Variants in FAM222B observed in about 807,000 individuals in gnomAD.
The protein encoded by FAM222B is family with sequence similarity 222 member B.
In FAM222B, 12 loss-of-function variants were observed where a neutral mutation model predicts 38.0. The ratio of observed to expected loss-of-function variants is 0.32; its 90% CI spans 0.20 to 0.51. FAM222B has a LOEUF of 0.51. FAM222B is among the 20% of genes least tolerant of loss of function. The probability of loss-of-function intolerance (pLI) is 0.97; values close to 1 mark genes in which losing one functional copy is unlikely to be tolerated. For missense variants in FAM222B, 716 were observed against 754.2 expected, an observed-to-expected ratio of 0.95 and a Z score of 0.59; for synonymous variants, 329 against 317.2, an observed-to-expected ratio of 1.04 and a Z score of -0.40.
At chr17:28,784,977 A>C (rs948470197) in intron 1 of FAM222B, among the ~76,000 whole-genome samples, 9 of 151,914 alleles carry the variant, frequency 5.9e-5, no homozygotes, top group African/African-American at 1.9e-4. Context: ...GCTGGTCTTA[A>C]ACTCCTGGAC....
At chr17:28,845,864 C>T (rs1018139375), upstream of FAM222B, among the ~76,000 whole-genome samples, 2 of 151,538 alleles carry the variant, frequency 1.3e-5, no homozygotes, top group Admixed American at 6.6e-5. Context: ...CACTGCAATC[C>T]AGCCTGGGTG....
intron 1 of FAM222B, among the ~76,000 whole-genome samples, chr17:28,805,658 A>AAAAG (rs918873039): frequency 1.3e-5 from 2 of 152,174 alleles, no homozygotes; most frequent in African/African-American, 2.4e-5. Flanking sequence ...CTCAAAAAAA[A>AAAAG]AAAGAAAGAA....
chr17:28,826,243 T>C (rs1436349807), intron 1 of FAM222B, among the ~76,000 whole-genome samples: 4 of 150,108 alleles, frequency 2.7e-5, no homozygotes, highest in Non-Finnish European at 5.9e-5. Context: ...TAATTTTTGG[T>C]ATTTTTAGTA....
At position 28,758,472 on chromosome 17, in the gene FAM222B, C is replaced by T. The variant is rs376632053; in HGVS notation, c.1487G>A (p.Arg496Gln). 1.7e-5 allele frequency: 27 copies of T among 1,613,234 alleles called. No individual in the cohort carries two copies. In the African/African-American group the frequency reaches 2.4e-4, roughly 14 times the overall value. The change falls in exon 3 of 3, where the codon CGA becomes CAA. Residue 496 changes from arginine to glutamine, a missense_variant. Transcript: ENST00000581407. ...DCAAAPGAHY[R>Q]AGTGGGPVAS... is the part of the protein sequence containing the mutation. ...CACTGGACCGCCCCCGGTCCCTGCTCGGTAGTGGGCCCCGGGAGCTGCCGC... is the reference window on the plus strand; with the variant it reads ...CACTGGACCGCCCCCGGTCCCTGCTTGGTAGTGGGCCCCGGGAGCTGCCGC...
chr17:28,800,480 T>A (rs1329774018), intron 1 of FAM222B, among the ~76,000 whole-genome samples: 1 of 152,192 alleles, frequency 6.6e-6, no homozygotes, highest in Non-Finnish European at 1.5e-5. Context: ...CTAGGCGCAC[T>A]AAGGAACAAT....
chr17:28,776,813 C>T (rs1007010325), intron 1 of FAM222B, among the ~76,000 whole-genome samples: 5 of 152,050 alleles, frequency 3.3e-5, no homozygotes, highest in African/African-American at 1.2e-4. Flanking sequence ...CTCCCTATTC[C>T]GTTACTCCTG....
intron 1 of FAM222B, among the ~76,000 whole-genome samples, chr17:28,813,532 T>G (rs551720495): frequency 2.2e-4 from 34 of 152,052 alleles, no homozygotes; most frequent in Admixed American, 6.5e-4. Context: ...TTCTTTTTTT[T>G]TTGTTTTTTT....
At position 28,806,826 on chromosome 17, in the gene FAM222B, T is replaced by C. The variant is rs534064257; in HGVS notation, c.-41+35856A>G. Among the ~76,000 whole-genome samples, 53 of 152,184 alleles carry C rather than the reference T, an allele frequency of 3.5e-4. 2 individuals are homozygous for C. Among genetic ancestry groups the C allele is most frequent in the African/African-American group, 1.1e-3 (46 of 41,530 alleles). Reference sequence around the variant, plus strand: ...AAATTTCTTGGAGAAAATAATAAGCTATATTAGAAATTCAGAGAAAGGAAG... The same window carrying C: ...AAATTTCTTGGAGAAAATAATAAGCCATATTAGAAATTCAGAGAAAGGAAG... On this transcript the variant is annotated intron_variant, in intron 1 of 2. Coordinates refer to ENST00000581407, the MANE Select transcript of FAM222B (RefSeq NM_001077498.3).
At chr17:28,833,906 A>G (rs777649566) in intron 1 of FAM222B, among the ~76,000 whole-genome samples, 20 of 152,166 alleles carry the variant, frequency 1.3e-4, no homozygotes, top group Non-Finnish European at 2.6e-4. Flanking sequence ...CAGATACCTC[A>G]AATCCTATAT....
intron 1 of FAM222B, among the ~76,000 whole-genome samples, chr17:28,813,938 G>A (rs1286511973): frequency 6.6e-6 from 1 of 151,702 alleles, no homozygotes; most frequent in Non-Finnish European, 1.5e-5. Flanking sequence ...GGCCGGGCGC[G>A]GTGTGTCTCA....
chr17:28,759,799 T>C lies in FAM222B; in HGVS notation c.160A>G (p.Asn54Asp). ...AAGATTTTTATAGTCAGTGGGTTGT[T>C]TGCGACCTTCTTAGCATACGCATCC... The part of the protein sequence containing the change: ...ELDAYAKKVA[N>D]NPLTIKIFPN... Residue 54 changes from asparagine (N) to aspartate (D), a missense_variant, in exon 3 of 3, where the codon AAC (asparagine) becomes GAC (aspartate). Transcript: ENST00000581407. This position sits in a 1 kb window ranked among gnomAD's most constrained non-coding sequence, Gnocchi z 4.8. The C allele has an allele frequency of 6.2e-7, 1 of 1,609,258 alleles. No individual in the cohort carries two copies. Among genetic ancestry groups the C allele is most frequent in the Non-Finnish European group, 8.5e-7 (1 of 1,177,752 alleles).
chr17:28,758,625 G>A lies in FAM222B; in HGVS notation c.1334C>T (p.Pro445Leu). The change falls in exon 3 of 3, where the codon CCC (proline) becomes CTC (leucine). Residue 445 changes from proline (P) to leucine (L), a missense_variant. Coordinates refer to ENST00000581407, the MANE Select transcript of FAM222B (RefSeq NM_001077498.3). ...CAGGGGTTGGAAGTAGTGACCATTG[G>A]GGTAGGCCAATGGGGCTGCCATGCC... The part of the protein sequence containing the change: ...VNGMAAPLAY[P>L]NGHYFQPLWN... 6.2e-7 allele frequency: 1 copy of A among 1,611,772 alleles called. No homozygotes were observed. Among genetic ancestry groups the A allele is most frequent in the South Asian group, 1.1e-5 (1 of 91,082 alleles).
chr17:28,834,687 A>G (rs1217737580), intron 1 of FAM222B: 1 of 152,102 alleles, frequency 6.6e-6, no homozygotes, highest in African/African-American at 2.4e-5. Context: ...GTACTGACTC[A>G]GAACTATTTA....
rs181749077 is a variant in FAM222B, at chr17:28,825,170, C to T, written c.-41+17512G>A. Among the ~76,000 whole-genome samples, 9 of 151,988 alleles carry T rather than the reference C, an allele frequency of 5.9e-5. 1 individual carries two copies. In the East Asian group the frequency reaches 9.7e-4, roughly 16 times the overall value. ...AAAGGAGGCTGGGTGCAGTGGCTCA[C>T]GCCTGAAATCCCAGCACTTTGGGAG... On this transcript the variant is annotated intron_variant, in intron 1 of 2. Transcript: ENST00000581407.
chr17:28,818,477 G>T (rs913906423), intron 1 of FAM222B, among the ~76,000 whole-genome samples: 1 of 150,958 alleles, frequency 6.6e-6, no homozygotes, highest in Non-Finnish European at 1.5e-5. Flanking sequence ...GCAGTCAGCC[G>T]AGATCGCGCC....
At chr17:28,770,337 T>C (rs1597866751) in intron 1 of FAM222B, among the ~76,000 whole-genome samples, 1 of 152,244 alleles carries the variant, frequency 6.6e-6, no homozygotes, top group African/African-American at 2.4e-5. Flanking sequence ...CTATTAATGA[T>C]GGCAGAGCCC....
intron 1 of FAM222B, among the ~76,000 whole-genome samples, chr17:28,797,201 T>C (rs2036983660): frequency 6.6e-6 from 1 of 151,798 alleles, no homozygotes. Context: ...TGGGGTTTTG[T>C]TGTTGGCTGG....
intron 1 of FAM222B, among the ~76,000 whole-genome samples, chr17:28,832,154 C>A (rs2038690418): frequency 6.6e-6 from 1 of 151,944 alleles, no homozygotes; most frequent in Non-Finnish European, 1.5e-5. Flanking sequence ...CGCGCCACTG[C>A]ACTCCAGCCT....
intron 1 of FAM222B, among the ~76,000 whole-genome samples, chr17:28,769,042 C>T (rs1209551455): frequency 6.6e-6 from 1 of 151,882 alleles, no homozygotes; most frequent in Non-Finnish European, 1.5e-5. Context: ...GTCTCTCAAG[C>T]CTTGGAAACA....
Sources: allele counts gnomAD v4.1 joint callset (sites outside exome capture counted in the v4.1 genomes callset), GRCh38; gene constraint gnomAD v4.1.1; non-coding constraint Gnocchi (gnomAD v3.1); transcripts MANE v1.5; gene names NCBI Gene and HGNC (gene_info 2026-07-23, HGNC 2026-07-21).